CNTNAP2: variants seen among roughly 807,000 people sequenced by gnomAD.
CNTNAP2 encodes the protein contactin-associated protein-like 2.
In CNTNAP2, 98 loss-of-function variants were observed where a neutral mutation model predicts 155.2. The observed-to-expected ratio is 0.63, with a 90% CI of 0.54 to 0.75. The LOEUF is 0.75. Among genes scored for constraint, CNTNAP2 ranks in the 30% least tolerant of loss-of-function variants. The pLI is 0.00. For synonymous variants in CNTNAP2, 651 were observed against 631.2 expected, an observed-to-expected ratio of 1.03 and a Z score of -0.47; for missense variants, 1,727 against 1,688.1, an observed-to-expected ratio of 1.02 and a Z score of -0.40.
chr7:147,264,903 C>T (rs1215699272), intron 8 of CNTNAP2, among the ~76,000 whole-genome samples: 1 of 152,106 alleles, frequency 6.6e-6, no homozygotes, highest in African/African-American at 2.4e-5. Flanking sequence ...GGTCAAGCTG[C>T]ATTTTCCAGA....
At chr7:146,831,669 CAAAAAAAAAAAAAAAA>C (rs531970313) in intron 2 of CNTNAP2, among the ~76,000 whole-genome samples, 1 of 16,806 alleles carries the variant, frequency 6.0e-5, no homozygotes, top group African/African-American at 1.7e-4. Context: ...AGCAAGACGC[CAAAAAAAAAAAAAAAA>C]AAAAAAAAAA....
At chr7:147,638,771 C>T in intron 12 of CNTNAP2, 1 of 430,708 alleles carries the variant, frequency 2.3e-6, no homozygotes, top group Non-Finnish European at 4.5e-6. Flanking sequence ...ACAAAGTCAG[C>T]AAGAAGTTGG....
At chr7:146,627,025 T>A (rs1261090889) in intron 1 of CNTNAP2, among the ~76,000 whole-genome samples, 1 of 151,868 alleles carries the variant, frequency 6.6e-6, no homozygotes, top group Admixed American at 6.6e-5. Flanking sequence ...GAAAAAGAGG[T>A]TTAATGGATT....
intron 1 of CNTNAP2, among the ~76,000 whole-genome samples, chr7:146,419,380 G>A (rs2372493): frequency 0.29 from 43,737 of 151,846 alleles, 6,455 homozygotes; most frequent in Admixed American, 0.42. Flanking sequence ...TTTGGGTGGG[G>A]ACACAGCCAA....
chr7:146,334,968 T>G (rs146639242), intron 1 of CNTNAP2, among the ~76,000 whole-genome samples: 2 of 152,302 alleles, frequency 1.3e-5, no homozygotes, highest in Non-Finnish European at 2.9e-5. Flanking sequence ...CCAAACTCCC[T>G]CCACTTTGAT....
chr7:147,403,687 ACTT>A (rs1796956630), intron 10 of CNTNAP2, among the ~76,000 whole-genome samples: 2 of 152,176 alleles, frequency 1.3e-5, no homozygotes, highest in Admixed American at 1.3e-4. Flanking sequence ...GTTTTAGACT[ACTT>A]TTCCAAAATT....
At chr7:146,641,470 A>G (rs1428739565) in intron 1 of CNTNAP2, among the ~76,000 whole-genome samples, 1 of 152,232 alleles carries the variant, frequency 6.6e-6, no homozygotes, top group Non-Finnish European at 1.5e-5. Context: ...CATATTTTAT[A>G]AGAAGTAGCT....
intron 8 of CNTNAP2, among the ~76,000 whole-genome samples, chr7:147,158,437 G>A (rs948793929): frequency 2.0e-5 from 3 of 151,968 alleles, no homozygotes; most frequent in African/African-American, 7.2e-5. Context: ...CTGCACCATG[G>A]ATTACATGCA....
At chr7:148,319,703 G>C (rs1304745722) in intron 21 of CNTNAP2, among the ~76,000 whole-genome samples, 1 of 151,520 alleles carries the variant, frequency 6.6e-6, no homozygotes, top group Non-Finnish European at 1.5e-5. Context: ...AGGGATCTAG[G>C]TTGCACACTC....
chr7:146,426,212 T>TAAAAAAAAA (rs1554431713), intron 1 of CNTNAP2, among the ~76,000 whole-genome samples: 37 of 113,166 alleles, frequency 3.3e-4, no homozygotes, highest in African/African-American at 8.0e-4. Flanking sequence ...AAAAAAAAAT[T>TAAAAAAAAA]AAAACTTAAG....
At chr7:147,558,128 T>G (rs944758618) in intron 11 of CNTNAP2, among the ~76,000 whole-genome samples, 8 of 152,220 alleles carry the variant, frequency 5.3e-5, no homozygotes, top group Non-Finnish European at 1.0e-4. Context: ...TTTAAAAATC[T>G]GTGAACAGTT....
At chr7:147,653,191 C>T (rs1795473897) in intron 13 of CNTNAP2, among the ~76,000 whole-genome samples, 1 of 152,082 alleles carries the variant, frequency 6.6e-6, no homozygotes, top group Non-Finnish European at 1.5e-5. Flanking sequence ...AAAAGGTTAT[C>T]CCCTTCTTTT....
chr7:146,609,144 A>C (rs1396762787), intron 1 of CNTNAP2, among the ~76,000 whole-genome samples: 2 of 152,150 alleles, frequency 1.3e-5, no homozygotes, highest in East Asian at 3.9e-4. Flanking sequence ...AAGTTTCTTC[A>C]CATTGATCAT....
chr7:147,004,905 C>T (rs1798498187), intron 3 of CNTNAP2, among the ~76,000 whole-genome samples: 1 of 151,700 alleles, frequency 6.6e-6, no homozygotes, highest in Non-Finnish European at 1.5e-5. Flanking sequence ...GAAGTAAAAA[C>T]AAATTGTTGA....
At chr7:148,379,573 A>G (rs1180755733) in intron 21 of CNTNAP2, among the ~76,000 whole-genome samples, 1 of 152,030 alleles carries the variant, frequency 6.6e-6, no homozygotes, top group Admixed American at 6.6e-5. Context: ...TTAGTCGGGC[A>G]TGGTAGCACA....
At chr7:147,301,646 T>G (rs1794948732) in intron 9 of CNTNAP2, among the ~76,000 whole-genome samples, 1 of 142,378 alleles carries the variant, frequency 7.0e-6, no homozygotes, top group East Asian at 2.1e-4. Flanking sequence ...GTGTGTGTGT[T>G]CTAGTTTTTA....
chr7:147,635,988 A>G (rs1002828302), intron 12 of CNTNAP2, among the ~76,000 whole-genome samples: 1 of 152,184 alleles, frequency 6.6e-6, no homozygotes, highest in Admixed American at 6.5e-5. Flanking sequence ...AAACCAATCT[A>G]ATTTAATTAA....
intron 14 of CNTNAP2, 113 bp downstream of exon 14, chr7:147,903,834 G>T: frequency 7.4e-7 from 1 of 1,344,802 alleles, no homozygotes; most frequent in Non-Finnish European, 1.0e-6. Flanking sequence ...TAATAGGGTA[G>T]AAAGGTCTGG....
intron 1 of CNTNAP2, among the ~76,000 whole-genome samples, chr7:146,422,568 G>A (rs1405169): frequency 0.036 from 5,461 of 151,788 alleles, 350 homozygotes; most frequent in African/African-American, 0.12. Context: ...ATGACAATTT[G>A]TAAGAGTAAA....
Sources: allele counts gnomAD v4.1 joint callset (sites outside exome capture counted in the v4.1 genomes callset), GRCh38; gene constraint gnomAD v4.1.1; transcripts MANE v1.5; gene names NCBI Gene and HGNC (gene_info 2026-07-23, HGNC 2026-07-21).